Variants in JAKMIP1 observed in about 807,000 individuals in gnomAD.
JAKMIP1 encodes janus kinase and microtubule interacting protein 1.
In JAKMIP1, 33 loss-of-function variants were observed where a neutral mutation model predicts 113.0. The observed-to-expected ratio is 0.29, with a 90% CI of 0.22 to 0.39. The LOEUF is 0.39. Among genes scored for constraint, JAKMIP1 ranks in the 10% least tolerant of loss-of-function variants. JAKMIP1 has a pLI of 1.00. For missense variants in JAKMIP1, 813 were observed against 1,080.5 expected, an observed-to-expected ratio of 0.75 and a Z score of 3.47; for synonymous variants, 480 against 459.9, an observed-to-expected ratio of 1.04 and a Z score of -0.56.
intron 1 of JAKMIP1, among the ~76,000 whole-genome samples, chr4:6,175,329 T>A (rs17773514): frequency 6.6e-6 from 1 of 151,994 alleles, no homozygotes; most frequent in Admixed American, 6.6e-5. Flanking sequence ...AAAAGTAAAA[T>A]GTTTCATCTC....
intron 3 of JAKMIP1, among the ~76,000 whole-genome samples, chr4:6,096,381 A>T (rs990036937): frequency 6.6e-6 from 1 of 152,176 alleles, no homozygotes; most frequent in Non-Finnish European, 1.5e-5. Context: ...TGTAAACTTG[A>T]CAAACTTTTT....
intron 1 of JAKMIP1, among the ~76,000 whole-genome samples, chr4:6,147,348 A>G (rs1720982465): frequency 6.6e-6 from 1 of 152,166 alleles, no homozygotes; most frequent in African/African-American, 2.4e-5. Flanking sequence ...ATCAGTAAGT[A>G]ACAAGGAAAT....
chr4:6,053,917 A>G, intron 13 of JAKMIP1, 133 bp downstream of exon 13: 2 of 1,542,640 alleles, frequency 1.3e-6, no homozygotes, highest in Non-Finnish European at 1.7e-6. Flanking sequence ...AAAGAAAGAA[A>G]GAAAGAAAGA....
At chr4:6,189,460 C>G (rs1420406126) in intron 1 of JAKMIP1, among the ~76,000 whole-genome samples, 1 of 152,112 alleles carries the variant, frequency 6.6e-6, no homozygotes, top group Non-Finnish European at 1.5e-5. Flanking sequence ...GCAGAGTGGA[C>G]CTGATGCAAG....
intron 18 of JAKMIP1, among the ~76,000 whole-genome samples, chr4:6,037,032 A>G (rs1713571398): frequency 6.7e-6 from 1 of 150,080 alleles, no homozygotes; most frequent in Admixed American, 6.6e-5. Context: ...TCCATCACTG[A>G]GGCAGAGGCT....
rs1277412165 is a variant in JAKMIP1, at chr4:6,044,241, C to A, written c.2029-2014G>T. Among the ~76,000 whole-genome samples the A allele has an allele frequency of 3.3e-5, 5 of 152,230 alleles. No individual in the cohort carries two copies. Among genetic ancestry groups the A allele is most frequent in the South Asian group, 4.1e-4 (2 of 4,820 alleles). On this transcript the variant is annotated intron_variant, in intron 16 of 20. Transcript: ENST00000409021. This position sits in a 1 kb window ranked among gnomAD's most constrained non-coding sequence, Gnocchi z 4.4. ...CCGCTGCCCCCCTTGAAGGTGGGGACCACATTTGCCTCCTGTTGGACTTCC... is the reference window on the plus strand; with the variant it reads ...CCGCTGCCCCCCTTGAAGGTGGGGAACACATTTGCCTCCTGTTGGACTTCC...
chr4:6,094,305 C>CA lies in JAKMIP1; in HGVS notation c.625-8677dup, dbSNP rs1345494118. On this transcript the variant is annotated intron_variant, in intron 3 of 20. Transcript: ENST00000409021. The surrounding 1 kb of genome is among the most constrained non-coding windows in gnomAD (Gnocchi z 4.2). ...TAGCCTCTCTTCCGTAATTTTCTGG[C>CA]AAAAAAAGAAAGAAAACACTCTCCT... is the stretch of plus-strand genomic sequence containing the variant. Among the ~76,000 whole-genome samples the CA allele has an allele frequency of 1.3e-5, 2 of 151,980 alleles. No homozygotes were observed. The highest frequency in any genetic ancestry group is 1.9e-4 in the East Asian group (1 of 5,186).
chr4:6,166,904 C>T (rs1345265068), intron 1 of JAKMIP1, among the ~76,000 whole-genome samples: 1 of 152,160 alleles, frequency 6.6e-6, no homozygotes, highest in Non-Finnish European at 1.5e-5. Flanking sequence ...TCCCCACTCA[C>T]CTCTTCACCC....
At chr4:6,110,116 G>C (rs1297711670) in intron 2 of JAKMIP1, among the ~76,000 whole-genome samples, 1 of 152,136 alleles carries the variant, frequency 6.6e-6, no homozygotes, top group Admixed American at 6.5e-5. Context: ...GGGCTAAACT[G>C]TGTCCCCCTG....
In JAKMIP1 at chr4:6,122,473, C is replaced by T. The variant is rs913971599; in HGVS notation, c.-147-9476G>A. 3.9e-5 allele frequency among the ~76,000 whole-genome samples: 6 copies of T among 152,174 alleles called. 1 individual carries two copies. The highest frequency in any genetic ancestry group is 2.6e-4 in the Admixed American group (4 of 15,280). On this transcript the variant is annotated intron_variant, in intron 1 of 20. Coordinates refer to ENST00000409021, the MANE Select transcript of JAKMIP1 (RefSeq NM_001099433.2). Reference sequence around the variant, plus strand: ...ACATTTTCTAAAGGAACTACAAAGACGCTGCATTGCATATTTAGCATGAAA... The same window carrying T: ...ACATTTTCTAAAGGAACTACAAAGATGCTGCATTGCATATTTAGCATGAAA...
intron 18 of JAKMIP1, among the ~76,000 whole-genome samples, chr4:6,038,750 C>T (rs1713906186): frequency 6.6e-6 from 1 of 152,238 alleles, no homozygotes; most frequent in Non-Finnish European, 1.5e-5. Context: ...GCGGGGCCCC[C>T]AGGTGGGCTC....
intron 1 of JAKMIP1, among the ~76,000 whole-genome samples, chr4:6,131,260 T>C (rs1331978433): frequency 7.2e-6 from 1 of 139,644 alleles, no homozygotes; most frequent in African/African-American, 2.7e-5. Context: ...GAAGAAGAAA[T>C]TGAAGAAATA....
At position 6,084,919 on chromosome 4, in the gene JAKMIP1, A is replaced by G; in HGVS notation, c.881T>C (p.Ile294Thr). 1 of 1,500,034 alleles carries G rather than the reference A, an allele frequency of 6.7e-7. No homozygotes were observed. Among genetic ancestry groups the G allele is most frequent in the Non-Finnish European group, 8.9e-7 (1 of 1,119,444 alleles). The allele number at this position is 1,500,034 out of a possible 1,614,324, so 92.9% of individuals were successfully genotyped here. A position where few individuals can be genotyped will look rare whatever the true frequency, so the allele number is the denominator to read the frequency against. Residue 294 changes from isoleucine (I) to threonine (T), a missense_variant, in exon 5 of 21, where the codon ATT becomes ACT. Physicochemically the swap from Ile to Thr is moderately conservative, Grantham distance 89. Coordinates refer to ENST00000409021, the MANE Select transcript of JAKMIP1 (RefSeq NM_001099433.2). ...CCGTATCACTGAATTCAGTTCAGCAATTTTTAGTTGAAATCGCCTCACATC... is the reference window on the plus strand; with the variant it reads ...CCGTATCACTGAATTCAGTTCAGCAGTTTTTAGTTGAAATCGCCTCACATC... ...ERDVRRFQLK[I>T]AELNSVIRKL... is the part of the protein sequence containing the mutation.
At chr4:6,103,271 C>T (rs934224275) in intron 3 of JAKMIP1, among the ~76,000 whole-genome samples, 4 of 152,064 alleles carry the variant, frequency 2.6e-5, no homozygotes, top group Admixed American at 6.5e-5. Context: ...TGACTGACCA[C>T]GTTTTTCTTT....
chr4:6,100,769 T>C (rs28818822), intron 3 of JAKMIP1, among the ~76,000 whole-genome samples: 6,185 of 152,268 alleles, frequency 0.041, 350 homozygotes, highest in African/African-American at 0.13. Context: ...GTCATTCTAG[T>C]GGATGAGAAT....
rs536336622 is a variant in JAKMIP1 at position 6,094,292 on chromosome 4, C to T, written c.625-8663G>A. ...CCCGGAAAATATATAGCCTCTCTTC[C>T]GTAATTTTCTGGCAAAAAAAGAAAG... On this transcript the variant is annotated intron_variant, in intron 3 of 20. Coordinates refer to ENST00000409021, the MANE Select transcript of JAKMIP1 (RefSeq NM_001099433.2). This position sits in a 1 kb window ranked among gnomAD's most constrained non-coding sequence, Gnocchi z 4.2. Among the ~76,000 whole-genome samples, 7 of 152,304 alleles carry T rather than the reference C, an allele frequency of 4.6e-5. No individual in the cohort carries two copies. Among genetic ancestry groups the T allele is most frequent in the African/African-American group, 1.2e-4 (5 of 41,562 alleles).
intron 18 of JAKMIP1, among the ~76,000 whole-genome samples, chr4:6,038,887 T>C (rs962900695): frequency 3.3e-5 from 5 of 152,180 alleles, no homozygotes; most frequent in Admixed American, 6.5e-5. Flanking sequence ...GGAAATCCCG[T>C]TGTGGGCCTG....
Position 6,100,059 on chromosome 4 carries a change from A to T in JAKMIP1, c.624+5414T>A, listed in dbSNP as rs573751166. ...AAATGCAAATACAAGATCCACCATT[A>T]AACTTTTATCAATCCTATTTAAATT... On this transcript the variant is annotated intron_variant, in intron 3 of 20. Coordinates refer to ENST00000409021, the MANE Select transcript of JAKMIP1 (RefSeq NM_001099433.2). Among the ~76,000 whole-genome samples, 5 of 152,330 alleles carry T rather than the reference A, an allele frequency of 3.3e-5. No individual in the cohort carries two copies. The East Asian group carries it at 9.6e-4, about 29-fold the overall frequency.
At position 6,154,287 on chromosome 4, in the gene JAKMIP1, A is replaced by G. The variant is rs1721967458; in HGVS notation, c.-147-41290T>C. Among the ~76,000 whole-genome samples the G allele has an allele frequency of 6.6e-6, 1 of 152,210 alleles. No individual in the cohort carries two copies. The highest frequency in any genetic ancestry group is 1.9e-4 in the East Asian group (1 of 5,194). ...TGCTCCTATTTTAGGCCATTGAACT[A>G]CTTTAATAATTCGGTCATTTTCACA... On this transcript the variant is annotated intron_variant, in intron 1 of 20. Coordinates refer to ENST00000409021, the MANE Select transcript of JAKMIP1 (RefSeq NM_001099433.2). This position sits in a 1 kb window ranked among gnomAD's most constrained non-coding sequence, Gnocchi z 4.2.
Sources: gnomAD v4.1 joint callset for allele counts (sites outside exome capture counted in the v4.1 genomes callset) on GRCh38, gnomAD v4.1.1 for gene constraint, Gnocchi (gnomAD v3.1) non-coding constraint, MANE v1.5 for transcripts, NCBI Gene and HGNC (gene_info 2026-07-23, HGNC 2026-07-21) for gene names.